Variants in PIGU observed in about 807,000 individuals in gnomAD.
PIGU encodes the protein GPI-anchor transamidase component PIGU.
Under a neutral mutation model 49.9 loss-of-function variants are expected in PIGU, and 24 were observed. The ratio of observed to expected loss-of-function variants is 0.48; its 90% confidence interval spans 0.35 to 0.68. The LOEUF is 0.68. Among genes scored for constraint, PIGU ranks in the 30% least tolerant of loss-of-function variants. The pLI, the probability that PIGU is intolerant of heterozygous loss-of-function variation, is 0.01. For missense variants in PIGU, 490 were observed against 532.6 expected, an observed-to-expected ratio of 0.92 and a Z score of 0.79; for synonymous variants, 220 against 205.7, an observed-to-expected ratio of 1.07 and a Z score of -0.59.
At chr20:34,582,685 GA>G (rs1022266503) in intron 9 of PIGU, among the ~76,000 whole-genome samples, 10 of 141,722 alleles carry the variant, frequency 7.1e-5, no homozygotes, top group Non-Finnish European at 7.8e-5. Flanking sequence ...GTCTCAAAAA[GA>G]AAAAAAAAAA....
intron 7 of PIGU, among the ~76,000 whole-genome samples, chr20:34,605,469 C>A (rs1349313306): frequency 1.3e-5 from 2 of 152,178 alleles, no homozygotes; most frequent in Admixed American, 1.3e-4. Context: ...TTCTTTTCCC[C>A]TCATCGCCCC....
chr20:34,621,331 A>G (rs778110570), intron 6 of PIGU, among the ~76,000 whole-genome samples: 2 of 151,896 alleles, frequency 1.3e-5, no homozygotes, highest in Non-Finnish European at 2.9e-5. Flanking sequence ...CAGAGTCATG[A>G]ACACAGGCAA....
At chr20:34,628,024 G>A (rs946643524) in intron 6 of PIGU, among the ~76,000 whole-genome samples, 9 of 152,096 alleles carry the variant, frequency 5.9e-5, no homozygotes, top group Middle Eastern at 3.2e-3. Flanking sequence ...AAAGACCTAA[G>A]GCATCCTCGG....
intron 6 of PIGU, among the ~76,000 whole-genome samples, chr20:34,618,695 G>T (rs1332323537): frequency 6.6e-6 from 1 of 152,196 alleles, no homozygotes; most frequent in Non-Finnish European, 1.5e-5. Context: ...GCTGAGGTGG[G>T]AGGATCACTT....
intron 6 of PIGU, among the ~76,000 whole-genome samples, chr20:34,620,777 C>T (rs1224114435): frequency 4.9e-5 from 7 of 143,382 alleles, no homozygotes; most frequent in East Asian, 2.0e-4. Context: ...CGCCACTGCA[C>T]GCGACACAGC....
At chr20:34,590,192 T>C (rs1169793100) in intron 7 of PIGU, among the ~76,000 whole-genome samples, 1 of 151,304 alleles carries the variant, frequency 6.6e-6, no homozygotes, top group African/African-American at 2.4e-5. Flanking sequence ...CACCCCAGTA[T>C]GTGAGAAAAC....
intron 1 of PIGU, among the ~76,000 whole-genome samples, chr20:34,673,685 G>A (rs570225227): frequency 6.6e-6 from 1 of 152,130 alleles, no homozygotes; most frequent in Non-Finnish European, 1.5e-5. Flanking sequence ...TTATTGTGTT[G>A]AGCTTCAACA....
At position 34,560,807 on chromosome 20, in the gene PIGU, T is replaced by G; in HGVS notation, c.*59A>C. 1.5e-6 allele frequency: 2 copies of G among 1,292,030 alleles called. No individual in the cohort carries two copies. The highest frequency in any genetic ancestry group is 2.9e-5 in the South Asian group (2 of 68,276). The allele number at this position is 1,292,030 out of a possible 1,614,324, so 80.0% of individuals were successfully genotyped here. ...TGCTGGCAACTCTGGCTGGAGGGCTTGGCCCAGCTTCTGGCCCCACAGCCC... is the reference window on the plus strand; with the variant it reads ...TGCTGGCAACTCTGGCTGGAGGGCTGGGCCCAGCTTCTGGCCCCACAGCCC... On this transcript the variant is annotated 3_prime_UTR_variant, in exon 12 of 12. Transcript: ENST00000217446.
At chr20:34,623,497 C>G (rs1004278388) in intron 6 of PIGU, among the ~76,000 whole-genome samples, 10 of 152,218 alleles carry the variant, frequency 6.6e-5, no homozygotes, top group African/African-American at 2.2e-4. Context: ...ATTACTGTCC[C>G]CATTTTACAG....
intron 2 of PIGU, among the ~76,000 whole-genome samples, chr20:34,656,577 C>G (rs1004778192): frequency 6.6e-6 from 1 of 151,886 alleles, no homozygotes; most frequent in African/African-American, 2.4e-5. Flanking sequence ...CCACTGCACC[C>G]GGCCTGTTTT....
intron 1 of PIGU, among the ~76,000 whole-genome samples, chr20:34,657,526 C>T (rs1026615377): frequency 1.3e-5 from 2 of 152,172 alleles, no homozygotes; most frequent in African/African-American, 4.8e-5. Flanking sequence ...TCAAAAATGT[C>T]TCATTTATGC....
chr20:34,594,909 G>A (rs1329933928), intron 7 of PIGU, among the ~76,000 whole-genome samples: 6 of 151,816 alleles, frequency 4.0e-5, no homozygotes, highest in East Asian at 1.9e-4. Context: ...TGGCTAACAC[G>A]GTGAAACCCC....
intron 2 of PIGU, among the ~76,000 whole-genome samples, chr20:34,656,644 T>C (rs1329945464): frequency 1.3e-5 from 2 of 151,766 alleles, no homozygotes; most frequent in East Asian, 3.9e-4. Flanking sequence ...TGGTGCACAC[T>C]TGTGGTCCCT....
At chr20:34,650,264 T>C (rs1986487887) in intron 2 of PIGU, among the ~76,000 whole-genome samples, 1 of 151,912 alleles carries the variant, frequency 6.6e-6, no homozygotes, top group Admixed American at 6.6e-5. Context: ...TCATTGATCA[T>C]AGCTATTTTT....
intron 11 of PIGU, 57 bp from the exon 12 acceptor site, chr20:34,561,036 T>A: frequency 8.0e-7 from 1 of 1,252,920 alleles, no homozygotes; most frequent in Non-Finnish European, 1.1e-6. Context: ...AAACCCAGGA[T>A]CCCTGAACTG....
chr20:34,676,820 T>C (rs1600681953), intron 1 of PIGU, 136 bp downstream of exon 1: 27 of 317,384 alleles, frequency 8.5e-5, no homozygotes, highest in South Asian at 3.2e-4. Context: ...GGCCCCGCCC[T>C]CTCCAAGAAC....
At chr20:34,669,359 T>C (rs898188478) in intron 1 of PIGU, among the ~76,000 whole-genome samples, 3 of 152,056 alleles carry the variant, frequency 2.0e-5, no homozygotes, top group African/African-American at 7.2e-5. Flanking sequence ...AAGTTTAAAA[T>C]GATTTCAAGT....
intron 11 of PIGU, among the ~76,000 whole-genome samples, chr20:34,563,246 A>G (rs1337534429): frequency 6.6e-6 from 1 of 152,194 alleles, no homozygotes; most frequent in East Asian, 1.9e-4. Flanking sequence ...TTAACTTTGC[A>G]AACTACATAC....
chr20:34,623,059 T>G (rs1985306781), intron 6 of PIGU, among the ~76,000 whole-genome samples: 1 of 151,342 alleles, frequency 6.6e-6, no homozygotes, highest in African/African-American at 2.4e-5. Flanking sequence ...GCTACAGGAG[T>G]GAGCAGGAAT....
Sources: allele counts gnomAD v4.1 joint callset (sites outside exome capture counted in the v4.1 genomes callset), GRCh38; gene constraint gnomAD v4.1.1; transcripts MANE v1.5; gene names NCBI Gene and HGNC (gene_info 2026-07-23, HGNC 2026-07-21).